MARCHF1: variants seen among roughly 807,000 people sequenced by gnomAD.
MARCHF1 encodes membrane associated ring-CH-type finger 1, also known as E3 ubiquitin-protein ligase MARCHF1.
Under a neutral mutation model 54.2 loss-of-function variants are expected in MARCHF1, and 40 were observed. The observed-to-expected ratio is 0.74, with a 90% CI of 0.57 to 0.96. The LOEUF (loss-of-function observed/expected upper bound fraction) is 0.96. MARCHF1 is among the 40% of genes least tolerant of loss of function. The pLI, the probability that MARCHF1 is intolerant of heterozygous loss-of-function variation, is 0.00. For missense variants in MARCHF1, 586 were observed against 656.5 expected, an observed-to-expected ratio of 0.89 and a Z score of 1.17; for synonymous variants, 236 against 236.3, an observed-to-expected ratio of 1.00 and a Z score of 0.01.
At chr4:163,974,254 C>T (rs578035939) in intron 3 of MARCHF1, among the ~76,000 whole-genome samples, 3 of 152,282 alleles carry the variant, frequency 2.0e-5, no homozygotes, top group South Asian at 2.1e-4. Flanking sequence ...ACTTCCAAGA[C>T]TTGGTCATAA....
At chr4:163,796,628 T>C (rs1310334523) in intron 4 of MARCHF1, among the ~76,000 whole-genome samples, 1 of 152,176 alleles carries the variant, frequency 6.6e-6, no homozygotes, top group African/African-American at 2.4e-5. Context: ...TCTCTTTTAA[T>C]TGGTGAGTAT....
At chr4:164,112,485 T>A (rs1755854672) in intron 1 of MARCHF1, among the ~76,000 whole-genome samples, 1 of 151,900 alleles carries the variant, frequency 6.6e-6, no homozygotes, top group South Asian at 2.1e-4. Context: ...TAGGGGATAT[T>A]ATTGATCATT....
At chr4:163,634,215 C>G (rs1364802888) in intron 5 of MARCHF1, among the ~76,000 whole-genome samples, 3 of 151,818 alleles carry the variant, frequency 2.0e-5, no homozygotes, top group African/African-American at 7.3e-5. Flanking sequence ...CAGCTAACAT[C>G]ATCATGACAG....
At chr4:163,646,072 C>T (rs1173581273) in intron 5 of MARCHF1, among the ~76,000 whole-genome samples, 4 of 149,970 alleles carry the variant, frequency 2.7e-5, no homozygotes, top group South Asian at 4.1e-4. Flanking sequence ...TACTCTGAGG[C>T]ATCTTGCAAT....
intron 4 of MARCHF1, among the ~76,000 whole-genome samples, chr4:163,782,669 CAAA>C (rs779917586): frequency 3.7e-5 from 4 of 108,400 alleles, no homozygotes; most frequent in African/African-American, 1.5e-4. Flanking sequence ...ACTCCATCTC[CAAA>C]AAAAAAAAAA....
At chr4:163,926,645 T>C (rs911674662) in intron 3 of MARCHF1, among the ~76,000 whole-genome samples, 56 of 151,646 alleles carry the variant, frequency 3.7e-4, no homozygotes, top group Non-Finnish European at 3.1e-4. Context: ...TACTTAGAAA[T>C]ATCAGTAATT....
intron 1 of MARCHF1, among the ~76,000 whole-genome samples, chr4:164,204,070 T>C (rs935889339): frequency 6.6e-6 from 1 of 152,184 alleles, no homozygotes; most frequent in East Asian, 1.9e-4. Context: ...TTAGAAATGT[T>C]TGGATGTGAT....
chr4:164,115,676 G>A (rs899931610), intron 1 of MARCHF1, among the ~76,000 whole-genome samples: 4 of 152,004 alleles, frequency 2.6e-5, no homozygotes, highest in African/African-American at 7.2e-5. Context: ...TTTGGATACA[G>A]CTTATGGTGT....
chr4:164,004,860 T>C (rs1387792297), intron 2 of MARCHF1, among the ~76,000 whole-genome samples: 2 of 151,850 alleles, frequency 1.3e-5, no homozygotes, highest in African/African-American at 4.8e-5. Context: ...CCAGAAGAAA[T>C]TATGGCTCTC....
chr4:164,031,017 CAG>C (rs1262980891), intron 2 of MARCHF1, among the ~76,000 whole-genome samples: 2 of 152,158 alleles, frequency 1.3e-5, no homozygotes, highest in African/African-American at 4.8e-5. Flanking sequence ...CATCTGCAAA[CAG>C]AGACAATTTG....
chr4:163,876,811 A>T (rs1352610191), intron 3 of MARCHF1, among the ~76,000 whole-genome samples: 2 of 152,128 alleles, frequency 1.3e-5, no homozygotes, highest in Admixed American at 1.3e-4. Context: ...TGTAGAATAC[A>T]TTTTTATTAA....
At chr4:163,988,351 G>A (rs1328506334) in intron 3 of MARCHF1, 150 bp downstream of exon 3, 2 of 152,256 alleles carry the variant, frequency 1.3e-5, no homozygotes, top group Non-Finnish European at 1.5e-5. Context: ...GTCCCTGCCA[G>A]TTATAAGTAA....
At chr4:164,284,260 A>C (rs1734090406) in intron 1 of MARCHF1, among the ~76,000 whole-genome samples, 1 of 150,712 alleles carries the variant, frequency 6.6e-6, no homozygotes, top group African/African-American at 2.4e-5. Flanking sequence ...AGGCCAAATG[A>C]AAAGATATTT....
chr4:164,366,768 C>A (rs1179254984), intron 1 of MARCHF1, among the ~76,000 whole-genome samples: 1 of 151,710 alleles, frequency 6.6e-6, no homozygotes, highest in Non-Finnish European at 1.5e-5. Context: ...ATTATATCTT[C>A]TTATATTATA....
intron 5 of MARCHF1, among the ~76,000 whole-genome samples, chr4:163,674,830 T>G (rs1225113625): frequency 6.6e-6 from 1 of 152,190 alleles, no homozygotes; most frequent in Admixed American, 6.5e-5. Context: ...TTAAATCAGA[T>G]AATTGGTAAT....
chr4:163,667,030 G>A (rs556537447), intron 5 of MARCHF1, among the ~76,000 whole-genome samples: 2 of 152,000 alleles, frequency 1.3e-5, no homozygotes, highest in African/African-American at 4.8e-5. Context: ...CAAAAAATTT[G>A]TTCAAGAGTA....
intron 1 of MARCHF1, among the ~76,000 whole-genome samples, chr4:164,365,670 T>C (rs998475015): frequency 2.6e-5 from 4 of 152,134 alleles, no homozygotes; most frequent in African/African-American, 9.6e-5. Flanking sequence ...AATGAGAAAT[T>C]TGAGGATTAG....
intron 4 of MARCHF1, among the ~76,000 whole-genome samples, chr4:163,803,498 C>A (rs1748140715): frequency 6.7e-6 from 1 of 149,116 alleles, no homozygotes; most frequent in African/African-American, 2.6e-5. Context: ...GGAGTATACT[C>A]ATTCACCATC....
At chr4:163,649,388 G>A (rs1024503686) in intron 5 of MARCHF1, among the ~76,000 whole-genome samples, 8 of 152,028 alleles carry the variant, frequency 5.3e-5, no homozygotes, top group African/African-American at 1.9e-4. Context: ...GTTGTAAATC[G>A]AAACACATTG....
Sources: allele counts gnomAD v4.1 joint callset (sites outside exome capture counted in the v4.1 genomes callset), GRCh38; gene constraint gnomAD v4.1.1; transcripts MANE v1.5; gene names NCBI Gene and HGNC (gene_info 2026-07-23, HGNC 2026-07-21).